The following EPB41 variants were observed in gnomAD, a reference collection of about 807,000 sequenced individuals.
EPB41 encodes erythrocyte membrane protein band 4.1.
Under a neutral mutation model 108.0 loss-of-function variants are expected in EPB41, and 65 were observed. That is an observed-to-expected ratio of 0.60 (90% CI 0.49 to 0.74). The LOEUF (loss-of-function observed/expected upper bound fraction) is 0.74. Ranked by LOEUF, EPB41 falls within the 30% of genes least tolerant of loss-of-function variation. The probability of loss-of-function intolerance (pLI) is 0.00; values close to 1 mark genes in which losing one functional copy is unlikely to be tolerated. For synonymous variants in EPB41, 336 were observed against 358.9 expected, an observed-to-expected ratio of 0.94 and a Z score of 0.72; for missense variants, 875 against 1,037.0, an observed-to-expected ratio of 0.84 and a Z score of 2.15.
intron 1 of EPB41, among the ~76,000 whole-genome samples, chr1:28,987,053 A>C (rs2095883248): frequency 6.6e-6 from 1 of 152,142 alleles, no homozygotes; most frequent in Non-Finnish European, 1.5e-5. Context: ...CAAATCCTAC[A>C]CCTTCAGATT....
intron 16 of EPB41, among the ~76,000 whole-genome samples, chr1:29,081,152 T>C (rs1242869092): frequency 6.6e-6 from 1 of 152,242 alleles, no homozygotes; most frequent in Non-Finnish European, 1.5e-5. Flanking sequence ...TGCATTCAGT[T>C]CTCAGAATGT....
At chr1:29,040,894 G>A (rs1490910725) in intron 11 of EPB41, among the ~76,000 whole-genome samples, 1 of 152,040 alleles carries the variant, frequency 6.6e-6, no homozygotes, top group Admixed American at 6.6e-5. Flanking sequence ...GCAGCACTTT[G>A]GGAGGCCAAG....
intron 7 of EPB41, among the ~76,000 whole-genome samples, chr1:29,025,793 G>A (rs1322109910): frequency 1.3e-5 from 2 of 151,754 alleles, no homozygotes; most frequent in Non-Finnish European, 2.9e-5. Context: ...ATGCAGAGGG[G>A]CAGTCTGGCT....
rs1053364769 is a variant in EPB41, at chr1:28,900,797, C to A, written c.-8+13587C>A. Among the ~76,000 whole-genome samples, 8 of 152,140 alleles carry A rather than the reference C, an allele frequency of 5.3e-5. 1 individual carries two copies. Among genetic ancestry groups the A allele is most frequent in the African/African-American group, 1.7e-4 (7 of 41,434 alleles). On this transcript the variant is annotated intron_variant, in intron 1 of 16. Transcript: ENST00000347529. ...GCAAGTCCATCAAGCACACTTCCAC[C>A]CCAGGGACTTTGCACTTGCCAGTCC...
intron 1 of EPB41, among the ~76,000 whole-genome samples, chr1:28,962,254 T>C (rs1297022934): frequency 6.6e-6 from 1 of 151,762 alleles, no homozygotes; most frequent in African/African-American, 2.4e-5. Context: ...AGAGACGGGG[T>C]TTCACCACGT....
intron 16 of EPB41, among the ~76,000 whole-genome samples, chr1:29,082,596 C>G (rs1657164057): frequency 1.3e-5 from 2 of 152,168 alleles, no homozygotes; most frequent in Admixed American, 6.6e-5. Flanking sequence ...CTTCATCCCT[C>G]CACCCCTACC....
rs144571105 is a variant in EPB41 at position 29,083,275 on chromosome 1, C to T, written c.2185-14532C>T. Among the ~76,000 whole-genome samples, 687 of 152,152 alleles carry T rather than the reference C, an allele frequency of 4.5e-3. 4 individuals are homozygous for T. The highest frequency in any genetic ancestry group is 0.016 in the African/African-American group (650 of 41,522). ...AGAATGTCACACTAGAAAGGAAAGA[C>T]AGAATTTTAACATCACCTTTTGCTA... On this transcript the variant is annotated intron_variant, in intron 16 of 20. Coordinates refer to ENST00000343067, the MANE Select transcript of EPB41 (RefSeq NM_001376013.1).
At chr1:28,967,200 A>C (rs908510500) in intron 1 of EPB41, among the ~76,000 whole-genome samples, 2 of 151,822 alleles carry the variant, frequency 1.3e-5, no homozygotes, top group Non-Finnish European at 2.9e-5. Context: ...TTGTATTTTT[A>C]GTAGAGACGG....
chr1:28,961,384 A>G (rs1482012625), intron 1 of EPB41, among the ~76,000 whole-genome samples: 3 of 152,198 alleles, frequency 2.0e-5, no homozygotes, highest in African/African-American at 7.2e-5. Context: ...TACTTTAATA[A>G]GAATTAATAA....
chr1:29,001,166 C>G (rs1422387490), intron 4 of EPB41, among the ~76,000 whole-genome samples: 1 of 152,046 alleles, frequency 6.6e-6, no homozygotes, highest in Non-Finnish European at 1.5e-5. Flanking sequence ...CACATCTCTA[C>G]TGAAAATACA....
At chr1:29,085,442 G>A (rs2151315081) in intron 16 of EPB41, among the ~76,000 whole-genome samples, 1 of 152,056 alleles carries the variant, frequency 6.6e-6, no homozygotes, top group East Asian at 1.9e-4. Flanking sequence ...ACCACACCTG[G>A]CCAAAAACCA....
chr1:28,968,853 T>TAA (rs1341705748), intron 1 of EPB41, among the ~76,000 whole-genome samples: 2 of 151,628 alleles, frequency 1.3e-5, no homozygotes, highest in African/African-American at 4.9e-5. Flanking sequence ...TAATGCCAGC[T>TAA]ACTTAGGAGG....
At position 29,058,946 on chromosome 1, in the gene EPB41, G is replaced by T. The variant is rs191660853; in HGVS notation, c.1944+94G>T. Reference sequence around the variant, plus strand: ...AAGACAGTGATCCATTCTTTTCATTGATTTCTTTTAATCAGGAGTTGTTAA... The same window carrying T: ...AAGACAGTGATCCATTCTTTTCATTTATTTCTTTTAATCAGGAGTTGTTAA... On this transcript the variant is annotated intron_variant, in intron 14 of 20. Transcript: ENST00000343067. The T allele has an allele frequency of 6.6e-5, 77 of 1,159,666 alleles. No individual in the cohort carries two copies. In the East Asian group the frequency reaches 1.8e-3, roughly 27 times the overall value. The allele number at this position is 1,159,666 out of a possible 1,614,324, so 71.8% of individuals were successfully genotyped here. A position where few individuals can be genotyped will look rare whatever the true frequency, so the allele number is the denominator to read the frequency against.
At chr1:28,956,664 A>G (rs2094960660) in intron 1 of EPB41, among the ~76,000 whole-genome samples, 1 of 152,250 alleles carries the variant, frequency 6.6e-6, no homozygotes, top group Non-Finnish European at 1.5e-5. Context: ...AATTATGTGT[A>G]ACACTTTAAT....
chr1:28,963,269 A>G (rs1038674275), intron 1 of EPB41, among the ~76,000 whole-genome samples: 2 of 152,054 alleles, frequency 1.3e-5, no homozygotes, highest in Admixed American at 1.3e-4. Flanking sequence ...ATGGGAAACA[A>G]CTGACTTTTG....
chr1:29,006,833 G>A (rs2096411947), intron 4 of EPB41, among the ~76,000 whole-genome samples: 1 of 151,794 alleles, frequency 6.6e-6, no homozygotes, highest in African/African-American at 2.4e-5. Context: ...CGGAGAGGTG[G>A]AGGTTGCAGT....
At chr1:28,903,326 CTT>C (rs1288999444) in intron 1 of EPB41, among the ~76,000 whole-genome samples, 66 of 136,924 alleles carry the variant, frequency 4.8e-4, no homozygotes, top group Non-Finnish European at 5.2e-4. Context: ...TCTTTTCTTT[CTT>C]TTTTTTTTTT....
At chr1:28,910,016 G>A (rs1186901436), upstream of EPB41, among the ~76,000 whole-genome samples, 2 of 151,920 alleles carry the variant, frequency 1.3e-5, no homozygotes, top group African/African-American at 2.4e-5. Flanking sequence ...GAGCCCAGGA[G>A]GTCGAGGCTG....
At chr1:28,896,467 C>A (rs1461431740) in intron 1 of EPB41, among the ~76,000 whole-genome samples, 1 of 152,160 alleles carries the variant, frequency 6.6e-6, no homozygotes, top group Non-Finnish European at 1.5e-5. Context: ...GGGCATGGGG[C>A]CCAGAGATGA....
Sources: allele counts gnomAD v4.1 joint callset (sites outside exome capture counted in the v4.1 genomes callset), GRCh38; gene constraint gnomAD v4.1.1; transcripts MANE v1.5; gene names NCBI Gene and HGNC (gene_info 2026-07-23, HGNC 2026-07-21).